Variants in DLG3 observed in about 807,000 individuals in gnomAD.
DLG3 encodes the protein disks large homolog 3.
In DLG3, 1 loss-of-function variant was observed where a neutral mutation model predicts 64.1. The observed-to-expected ratio is 0.02, with a 90% confidence interval of 0.01 to 0.07. The LOEUF is 0.07. DLG3 is among the 10% of genes least tolerant of loss of function. The pLI is 1.00. For missense variants in DLG3, 429 were observed against 669.5 expected (o/e 0.64, Z 3.96); for synonymous variants, 245 against 259.8 (o/e 0.94, Z 0.55).
At chrX:70,460,285 A>G (rs1186712948) in intron 9 of DLG3, among the ~76,000 whole-genome samples, 198 of 106,325 alleles carry the variant, frequency 1.9e-3, no homozygotes, top group African/African-American at 6.5e-3. Context: ...TCTGTCTCAA[A>G]AAAAAAAAAA....
chrX:70,502,065 A>AG (rs767144358), intron 18 of DLG3, 98 bp from the exon 19 acceptor site: 9 of 641,708 alleles, frequency 1.4e-5, no homozygotes, highest in African/African-American at 4.4e-5. Flanking sequence ...GAGGGGGTGG[A>AG]GGGGGGACTT....
In DLG3 at chrX:70,445,440, G is replaced by C. The variant is rs1400725871; in HGVS notation, c.239G>C (p.Arg80Pro). The C allele has an allele frequency of 8.3e-7, 1 of 1,201,533 alleles. No homozygotes were observed. Among genetic ancestry groups the C allele is most frequent in the Admixed American group, 2.2e-5 (1 of 45,284 alleles). ...RTKAKLIPTG[R>P]DVGPVPPKPV... ...AAGGCCAAGCTCATCCCCACCGGCCGGGATGTGGGGCCGGTGCCTCCTAAG... is the reference window on the plus strand; with the variant it reads ...AAGGCCAAGCTCATCCCCACCGGCCCGGATGTGGGGCCGGTGCCTCCTAAG... The change falls in exon 1 of 19, where the codon CGG becomes CCG. Residue 80 changes from arginine to proline, a missense_variant. By Grantham distance (103) the Arg-to-Pro change is moderately radical. This residue lies in a region of DLG3 where 123 missense variants were observed against 113.3 expected (regional missense o/e 1.09). Transcript: ENST00000374360.
chrX:70,488,741 A>G (rs1247763263), intron 10 of DLG3, among the ~76,000 whole-genome samples: 1 of 112,343 alleles, frequency 8.9e-6, no homozygotes, highest in Admixed American at 9.4e-5. Flanking sequence ...AGCGGTCTGC[A>G]AAATTCTTTT....
chrX:70,455,007 G>GGAGT (rs1265965051), intron 9 of DLG3: 54 of 752,028 alleles, frequency 7.2e-5, no homozygotes, highest in Non-Finnish European at 8.3e-5. Context: ...GCGGGCCAGT[G>GGAGT]GAGTGGCCAT....
chrX:70,464,181 CT>C (rs980191637), intron 9 of DLG3, among the ~76,000 whole-genome samples: 2 of 91,731 alleles, frequency 2.2e-5, no homozygotes, highest in Non-Finnish European at 4.2e-5. Context: ...TCCTTCCTTC[CT>C]TTTTTCTTTT....
At chrX:70,475,029 T>TCAAA (rs761401232) in intron 9 of DLG3, among the ~76,000 whole-genome samples, 1 of 110,742 alleles carries the variant, frequency 9.0e-6, no homozygotes, top group African/African-American at 3.3e-5. Flanking sequence ...ACAGAAATGC[T>TCAAA]CAAACAAATA....
intron 9 of DLG3, among the ~76,000 whole-genome samples, chrX:70,464,513 C>T (rs1314940342): frequency 1.8e-5 from 2 of 111,707 alleles, no homozygotes; most frequent in East Asian, 5.6e-4. Context: ...CCCTCGCCTC[C>T]GCCTCCAGCA....
intron 9 of DLG3, chrX:70,455,092 T>TC (rs1220136404): frequency 7.7e-5 from 54 of 700,467 alleles, no homozygotes; most frequent in East Asian, 3.3e-4. Context: ...CGCCCCTCCT[T>TC]CCCCCCATCG....
chrX:70,449,112 A>C, intron 2 of DLG3, 149 bp downstream of exon 2: 1 of 717,940 alleles, frequency 1.4e-6, no homozygotes. Context: ...GCTTCACTGC[A>C]TCAATCAATC....
In DLG3 at chrX:70,502,546, A is replaced by G; in HGVS notation, c.*277A>G. Reference sequence around the variant, plus strand: ...TCCCAAGCGCTAGCACAGGTGCAAAATCCATCAGAGCCATTGTTTTCATAA... The same window carrying G: ...TCCCAAGCGCTAGCACAGGTGCAAAGTCCATCAGAGCCATTGTTTTCATAA... On this transcript the variant is annotated 3_prime_UTR_variant, in exon 19 of 19. Transcript: ENST00000374360. 1 of 271,857 alleles carries G rather than the reference A, an allele frequency of 3.7e-6. No homozygotes were observed. Among genetic ancestry groups the G allele is most frequent in the East Asian group, 7.9e-5 (1 of 12,678 alleles). 22.4% of individuals were successfully genotyped at this position (271,857 alleles called of 1,213,427 possible).
At chrX:70,497,185 G>A in intron 13 of DLG3, 1 of 1,211,336 alleles carries the variant, frequency 8.3e-7, no homozygotes. Flanking sequence ...TGCAGAGGGA[G>A]TGACATCCAA....
chrX:70,472,398 C>CA (rs1231817725), intron 9 of DLG3, among the ~76,000 whole-genome samples: 2 of 110,611 alleles, frequency 1.8e-5, no homozygotes, highest in African/African-American at 6.6e-5. Flanking sequence ...ACTAAAAATA[C>CA]AAAAAAATTA....
intron 9 of DLG3, among the ~76,000 whole-genome samples, chrX:70,478,715 C>A (rs921576859): frequency 9.0e-6 from 1 of 111,639 alleles, no homozygotes; most frequent in Non-Finnish European, 1.9e-5. Context: ...TCCAGCCCCT[C>A]CGCTCTGCGT....
At chrX:70,491,056 G>A (rs1384849619) in intron 10 of DLG3, among the ~76,000 whole-genome samples, 1 of 110,732 alleles carries the variant, frequency 9.0e-6, no homozygotes, top group Non-Finnish European at 1.9e-5. Flanking sequence ...GGGACTGCAG[G>A]CATGCAACAT....
chrX:70,465,794 C>T (rs998723192), intron 9 of DLG3, among the ~76,000 whole-genome samples: 1 of 111,715 alleles, frequency 9.0e-6, no homozygotes, highest in Admixed American at 9.6e-5. Flanking sequence ...TCCTCGATCA[C>T]CATATATTTT....
intron 9 of DLG3, among the ~76,000 whole-genome samples, chrX:70,478,212 TA>T (rs1453192012): frequency 8.9e-6 from 1 of 112,485 alleles, no homozygotes; most frequent in Non-Finnish European, 1.9e-5. Context: ...TAAGTGTGAA[TA>T]TTGTATTTTA....
intron 10 of DLG3, among the ~76,000 whole-genome samples, chrX:70,484,916 C>T (rs969533075): frequency 2.7e-5 from 3 of 111,954 alleles, no homozygotes; most frequent in African/African-American, 9.7e-5. Flanking sequence ...TCTGAGTGCT[C>T]GGGTTTGTGC....
At chrX:70,464,514 G>A (rs887649831) in intron 9 of DLG3, among the ~76,000 whole-genome samples, 1 of 111,664 alleles carries the variant, frequency 9.0e-6, no homozygotes. Flanking sequence ...CCTCGCCTCC[G>A]CCTCCAGCAG....
intron 12 of DLG3, among the ~76,000 whole-genome samples, chrX:70,494,785 T>A (rs2087423242): frequency 8.9e-6 from 1 of 112,487 alleles, no homozygotes; most frequent in Non-Finnish European, 1.9e-5. Context: ...CTCCAGAAGC[T>A]GAGCTCATCC....
Sources: allele counts gnomAD v4.1 joint callset (sites outside exome capture counted in the v4.1 genomes callset), GRCh38; gene constraint gnomAD v4.1.1; regional missense constraint gnomAD v4.1.1; transcripts MANE v1.5; gene names NCBI Gene and HGNC (gene_info 2026-07-23, HGNC 2026-07-21).